The following ALPK2 variants were observed in gnomAD, a reference collection of about 807,000 sequenced individuals.
ALPK2 encodes alpha-protein kinase 2.
ALPK2 carries 127 observed loss-of-function variants against 163.1 expected under a neutral mutation model. The ratio of observed to expected loss-of-function variants is 0.78; its 90% CI spans 0.67 to 0.90. The LOEUF is 0.90. ALPK2 is among the 40% of genes least tolerant of loss of function. The pLI is 0.00. For missense variants in ALPK2, 2,360 were observed against 2,589.6 expected (o/e 0.91, Z 1.92); for synonymous variants, 953 against 959.1 (o/e 0.99, Z 0.12).
intron 2 of ALPK2, among the ~76,000 whole-genome samples, chr18:58,608,936 C>T (rs1396554207): frequency 5.5e-5 from 8 of 144,344 alleles, no homozygotes; most frequent in African/African-American, 1.6e-4. Context: ...CCAGCCTGGG[C>T]GACAGAGTGG....
At position 58,536,042 on chromosome 18, in the gene ALPK2, T is replaced by G. The variant is rs773051923; in HGVS notation, c.4145A>C (p.Lys1382Thr). The change falls in exon 5 of 13, where the codon AAG (lysine) becomes ACG (threonine). Residue 1382 changes from lysine (K) to threonine (T), a missense_variant. Transcript: ENST00000361673. ...TTTAAAGAAGGCAGTGTGATCCATC[T>G]TGAGTTGTTTTTCCTCCTGGTCTTG... Reference protein sequence around the residue: ...VSQDQEEKQLKMDHTAFFKKF... With the variant: ...VSQDQEEKQLTMDHTAFFKKF... 1 of 1,614,232 alleles carries G rather than the reference T, an allele frequency of 6.2e-7. No homozygotes were observed. Among genetic ancestry groups the G allele is most frequent in the Admixed American group, 1.7e-5 (1 of 60,030 alleles).
intron 4 of ALPK2, among the ~76,000 whole-genome samples, chr18:58,571,427 GAAA>G (rs77059313): frequency 9.2e-6 from 1 of 108,736 alleles, no homozygotes. Flanking sequence ...ACATCCACAG[GAAA>G]AAAAAAAAAA....
intron 1 of ALPK2, among the ~76,000 whole-genome samples, chr18:58,620,093 C>A (rs2144240669): frequency 6.6e-6 from 1 of 152,282 alleles, no homozygotes; most frequent in Non-Finnish European, 1.5e-5. Flanking sequence ...GAGTTTGAGA[C>A]CAGCCAGGCC....
Position 58,573,350 on chromosome 18 carries a change from A to G in ALPK2, c.1962+5464T>C, listed in dbSNP as rs1000876978. ...TGTATATATGTGTATATATATGTAT[A>G]TATATATGTGTGTGTATATATATAT... On this transcript the variant is annotated intron_variant, in intron 4 of 12. Coordinates refer to ENST00000361673, the MANE Select transcript of ALPK2 (RefSeq NM_052947.4). Among the ~76,000 whole-genome samples the G allele has an allele frequency of 3.0e-4, 40 of 133,576 alleles. 2 individuals carry two copies. The highest frequency in any genetic ancestry group is 9.8e-4 in the African/African-American group (33 of 33,548). The allele number at this position is 133,576 out of a possible 152,430, so 87.6% of individuals were successfully genotyped here.
chr18:58,526,871 T>C (rs999336492), intron 6 of ALPK2, among the ~76,000 whole-genome samples: 1 of 152,234 alleles, frequency 6.6e-6, no homozygotes, highest in African/African-American at 2.4e-5. Context: ...GAGGATGATC[T>C]AGTGAAAGAG....
intron 3 of ALPK2, among the ~76,000 whole-genome samples, chr18:58,595,320 C>T (rs1488236761): frequency 6.6e-6 from 1 of 152,186 alleles, no homozygotes; most frequent in Non-Finnish European, 1.5e-5. Flanking sequence ...TCAGGGACTC[C>T]AGTATTTGCT....
chr18:58,536,016 T>C lies in ALPK2; in HGVS notation c.4171A>G (p.Lys1391Glu), dbSNP rs1454821988. The C allele has an allele frequency of 1.2e-6, 2 of 1,611,996 alleles. No individual in the cohort carries two copies. The highest frequency in any genetic ancestry group is 2.2e-5 in the South Asian group (2 of 90,922). ...AGGATTTTAGGGCAGGTCAGAAACT[T>C]TTTAAAGAAGGCAGTGTGATCCATC... ...LKMDHTAFFK[K>E]FLTCPKILES... Residue 1391 changes from lysine to glutamate, a missense_variant, in exon 5 of 13, where the codon AAG becomes GAG. Physicochemically the swap from Lys to Glu is moderately conservative, Grantham distance 56. Coordinates refer to ENST00000361673, the MANE Select transcript of ALPK2 (RefSeq NM_052947.4).
chr18:58,543,136 G>A (rs940164999), intron 4 of ALPK2, among the ~76,000 whole-genome samples: 13 of 152,286 alleles, frequency 8.5e-5, no homozygotes, highest in African/African-American at 2.6e-4. Context: ...GTGGCATAGA[G>A]CGTGCTTAGC....
intron 3 of ALPK2, among the ~76,000 whole-genome samples, chr18:58,594,861 G>A (rs908998877): frequency 1.3e-4 from 20 of 152,210 alleles, no homozygotes; most frequent in East Asian, 1.9e-4. Flanking sequence ...AGGCACCACC[G>A]TCTCATCTGA....
At chr18:58,500,929 G>C (rs1228344084) in intron 11 of ALPK2, among the ~76,000 whole-genome samples, 1 of 152,140 alleles carries the variant, frequency 6.6e-6, no homozygotes, top group Non-Finnish European at 1.5e-5. Context: ...GCAGGACCTG[G>C]CATAATCTTC....
At chr18:58,565,756 TTCCTTCCTTCCTTC>T (rs1301396717) in intron 4 of ALPK2, among the ~76,000 whole-genome samples, 1 of 147,594 alleles carries the variant, frequency 6.8e-6, no homozygotes, top group African/African-American at 2.5e-5. Context: ...CCTTCCTTCC[TTCCTTCCTTCCTTC>T]CTTTCTTTCT....
At chr18:58,487,052 CCTTTT>C in intron 12 of ALPK2, among the ~76,000 whole-genome samples, 1 of 152,344 alleles carries the variant, frequency 6.6e-6, no homozygotes, top group East Asian at 1.9e-4. Context: ...AACTCGCTAT[CCTTTT>C]CATGTTGGAT....
At chr18:58,619,162 G>A (rs997507754) in intron 1 of ALPK2, among the ~76,000 whole-genome samples, 9 of 152,210 alleles carry the variant, frequency 5.9e-5, no homozygotes, top group Admixed American at 2.0e-4. Flanking sequence ...AGACCATGTC[G>A]GGAGAGACAC....
At chr18:58,563,123 GA>G (rs1249112944) in intron 4 of ALPK2, among the ~76,000 whole-genome samples, 1 of 152,098 alleles carries the variant, frequency 6.6e-6, no homozygotes, top group Non-Finnish European at 1.5e-5. Flanking sequence ...AGAAATATAA[GA>G]AAGGAAATGA....
intron 10 of ALPK2, among the ~76,000 whole-genome samples, chr18:58,508,470 G>A (rs1390601556): frequency 6.6e-6 from 1 of 152,156 alleles, no homozygotes; most frequent in Non-Finnish European, 1.5e-5. Flanking sequence ...GTTAGCACAG[G>A]ATACAGGTCA....
intron 10 of ALPK2, among the ~76,000 whole-genome samples, chr18:58,513,017 G>GTGTGTGGTGTGTGGTT (rs1416998625): frequency 4.3e-4 from 61 of 140,666 alleles, no homozygotes; most frequent in African/African-American, 1.5e-3. Flanking sequence ...TATGTGGGGT[G>GTGTGTGGTGTGTGGTT]TGTGTGGTGT....
chr18:58,604,884 G>T (rs2052089943), intron 3 of ALPK2, among the ~76,000 whole-genome samples: 1 of 152,106 alleles, frequency 6.6e-6, no homozygotes, highest in Non-Finnish European at 1.5e-5. Context: ...CTTCTGCTTT[G>T]ACTTGCCCAC....
chr18:58,542,845 CAG>C (rs1326272798), intron 4 of ALPK2, among the ~76,000 whole-genome samples: 2 of 152,250 alleles, frequency 1.3e-5, no homozygotes, highest in East Asian at 3.9e-4. Flanking sequence ...TGGGTGGTCA[CAG>C]GGGCTGAAGC....
chr18:58,536,192 C>A lies in ALPK2; in HGVS notation c.3995G>T (p.Gly1332Val). 2 of 1,614,116 alleles carry A rather than the reference C, an allele frequency of 1.2e-6. No homozygotes were observed. Among genetic ancestry groups the A allele is most frequent in the Non-Finnish European group, 1.7e-6 (2 of 1,179,996 alleles). ...CTCCAGGAGTCTGGGTTGGCTGAAA[C>A]CCCGGGAAGAAAGACTTCTCCAATG... Reference protein sequence around the residue: ...SVHWRSLSSRGFSQPRLLESS... With the variant: ...SVHWRSLSSRVFSQPRLLESS... Residue 1332 changes from glycine (G) to valine (V), a missense_variant, in exon 5 of 13, where the codon GGT becomes GTT. Physicochemically the swap from Gly to Val is moderately radical, Grantham distance 109 (BLOSUM62 -3). Coordinates refer to ENST00000361673, the MANE Select transcript of ALPK2 (RefSeq NM_052947.4).
Sources: gnomAD v4.1 joint callset for allele counts (sites outside exome capture counted in the v4.1 genomes callset) on GRCh38, gnomAD v4.1.1 for gene constraint, MANE v1.5 for transcripts, NCBI Gene and HGNC (gene_info 2026-07-23, HGNC 2026-07-21) for gene names.